Variants in TLL2 observed in about 807,000 individuals in gnomAD.
TLL2 encodes tolloid-like protein 2.
A neutral mutation model predicts 123.0 loss-of-function variants in TLL2; 106 were observed. The observed-to-expected ratio is 0.86, with a 90% CI of 0.74 to 1.01. TLL2 has a LOEUF of 1.01. Ranked by LOEUF, TLL2 falls within the 50% of genes least tolerant of loss-of-function variation. The pLI is 0.00. For synonymous variants in TLL2, 494 were observed against 516.8 expected (o/e 0.96, Z 0.60); for missense variants, 1,332 against 1,336.7 (o/e 1.00, Z 0.06).
chr10:96,446,401 A>G (rs1272394750), intron 2 of TLL2, among the ~76,000 whole-genome samples: 2 of 152,206 alleles, frequency 1.3e-5, no homozygotes, highest in Non-Finnish European at 2.9e-5. Context: ...TCGCAAATTA[A>G]TATAAAGTAT....
chr10:96,373,557 G>C lies in TLL2; in HGVS notation c.2662+39C>G, dbSNP rs368612667. ...CACCATTTCTCTGTCTCCTGTCCAA[G>C]TGCTCATCAGGTGGAAGCCAGTGTC... is the stretch of plus-strand genomic sequence containing the variant. On this transcript the variant is annotated intron_variant, in intron 19 of 20. Coordinates refer to ENST00000357947, the MANE Select transcript of TLL2 (RefSeq NM_012465.4). 8.8e-6 allele frequency: 14 copies of C among 1,585,160 alleles called. No homozygotes were observed. In the African/African-American group the frequency reaches 1.2e-4, roughly 14 times the overall value.
Position 96,429,944 on chromosome 10 carries a change from T to C in TLL2, c.521-1196A>G, listed in dbSNP as rs562037785. ...TTCAAAATCTAGAAGGAAGACTGTT[T>C]AAATTTTCCTAGAAGCAATGAGAAG... On this transcript the variant is annotated intron_variant, in intron 4 of 20. Transcript: ENST00000357947. Among the ~76,000 whole-genome samples, 13 of 152,336 alleles carry C rather than the reference T, an allele frequency of 8.5e-5. No individual in the cohort carries two copies. In the East Asian group the frequency reaches 2.5e-3, roughly 29 times the overall value.
chr10:96,477,108 T>C (rs1455874893), intron 2 of TLL2, among the ~76,000 whole-genome samples: 1 of 148,434 alleles, frequency 6.7e-6, no homozygotes, highest in Non-Finnish European at 1.5e-5. Context: ...ATTCCCATTC[T>C]GACGATAAAA....
intron 10 of TLL2, among the ~76,000 whole-genome samples, chr10:96,404,475 T>C (rs1336035554): frequency 6.6e-6 from 1 of 152,112 alleles, no homozygotes; most frequent in African/African-American, 2.4e-5. Context: ...AAATAACCAG[T>C]GTGTTATTTA....
chr10:96,402,450 C>T (rs1475757869), intron 10 of TLL2, among the ~76,000 whole-genome samples: 1 of 152,228 alleles, frequency 6.6e-6, no homozygotes, highest in Non-Finnish European at 1.5e-5. Flanking sequence ...TTCTGATGTC[C>T]AGCCAGGTTT....
intron 5 of TLL2, among the ~76,000 whole-genome samples, chr10:96,428,258 C>T (rs2078298): frequency 0.58 from 88,481 of 152,120 alleles, 26,866 homozygotes; most frequent in East Asian, 0.74. Context: ...AAATTAAATG[C>T]AAAATTTTAC....
At chr10:96,446,198 G>C (rs1346318663) in intron 2 of TLL2, 30 bp from the exon 3 acceptor site, 1 of 1,609,720 alleles carries the variant, frequency 6.2e-7, no homozygotes, top group South Asian at 1.1e-5. Flanking sequence ...AGAGGCATGA[G>C]GACACATCAG....
At chr10:96,500,105 A>C (rs1847518999) in intron 1 of TLL2, among the ~76,000 whole-genome samples, 1 of 137,418 alleles carries the variant, frequency 7.3e-6, no homozygotes, top group Non-Finnish European at 1.5e-5. Context: ...ACATGATTTA[A>C]AAAAAAAAAA....
In TLL2 at chr10:96,413,240, GC is replaced by G. The variant is rs1332346081; in HGVS notation, c.999del (p.Leu334SerfsTer6). 2 of 1,614,078 alleles carry G rather than the reference GC, an allele frequency of 1.2e-6. No homozygotes were observed. Among genetic ancestry groups the G allele is most frequent in the Non-Finnish European group, 1.7e-6 (2 of 1,180,030 alleles). On this transcript the variant is annotated frameshift_variant, in exon 8 of 21. Coordinates refer to ENST00000357947, the MANE Select transcript of TLL2 (RefSeq NM_012465.4). LOFTEE classifies it high-confidence loss of function. ...GCTTGAGCTATGTCTCCCTGACTGAGCCGCACGCGCTGGCCAATGGTTGGCC... is the reference window on the plus strand; with the variant it reads ...GCTTGAGCTATGTCTCCCTGACTGAGCGCACGCGCTGGCCAATGGTTGGCC... ...GVRPTIGQRV[R>X]LSQGDIAQAR... is the part of the protein sequence containing the mutation.
intron 1 of TLL2, among the ~76,000 whole-genome samples, chr10:96,506,262 A>G (rs1589439171): frequency 7.4e-6 from 1 of 135,004 alleles, no homozygotes; most frequent in East Asian, 2.0e-4. Flanking sequence ...AAAAAAAAAA[A>G]AAAGAAAAAA....
intron 2 of TLL2, among the ~76,000 whole-genome samples, chr10:96,466,124 G>A (rs1355796290): frequency 6.6e-6 from 1 of 152,196 alleles, no homozygotes; most frequent in Non-Finnish European, 1.5e-5. Context: ...TGGCAGCTAA[G>A]GTCCAGGGAT....
At chr10:96,504,004 G>A (rs1256812371) in intron 1 of TLL2, among the ~76,000 whole-genome samples, 3 of 152,218 alleles carry the variant, frequency 2.0e-5, no homozygotes, top group Admixed American at 1.3e-4. Flanking sequence ...AGGTCTCAAT[G>A]TCGTGTGCAG....
intron 1 of TLL2, among the ~76,000 whole-genome samples, chr10:96,491,388 AAAAAAAAAAAG>A (rs1428055608): frequency 6.6e-6 from 1 of 151,244 alleles, no homozygotes; most frequent in Non-Finnish European, 1.5e-5. Context: ...GTCTCAAAAA[AAAAAAAAAAAG>A]AAAAGAAAAG....
intron 10 of TLL2, among the ~76,000 whole-genome samples, chr10:96,397,680 C>T (rs576201946): frequency 8.5e-5 from 13 of 152,320 alleles, no homozygotes; most frequent in African/African-American, 3.1e-4. Context: ...TATACCCTTC[C>T]CTTTTGGGGG....
intron 18 of TLL2, among the ~76,000 whole-genome samples, chr10:96,374,961 CGGG>C (rs558884195): frequency 0.43 from 25,948 of 61,036 alleles, 3,195 homozygotes; most frequent in East Asian, 0.59. Flanking sequence ...ACATTAGTTG[CGGG>C]GGGGGGGGGG....
intron 3 of TLL2, among the ~76,000 whole-genome samples, chr10:96,435,874 C>T (rs1291597208): frequency 1.3e-5 from 2 of 152,104 alleles, no homozygotes; most frequent in East Asian, 3.8e-4. Flanking sequence ...TCTTGTTTTC[C>T]TGTGTCTCAC....
intron 2 of TLL2, among the ~76,000 whole-genome samples, chr10:96,458,587 C>CAAAAAA (rs55819031): frequency 4.3e-5 from 2 of 45,996 alleles, no homozygotes; most frequent in African/African-American, 9.5e-5. Flanking sequence ...GACTTCGTCT[C>CAAAAAA]AAAAAAAAAA....
chr10:96,386,125 C>T lies in TLL2; in HGVS notation c.1943G>A (p.Trp648Ter). ...KEYPTNKNCV[W>*]QVVAPAQYRI... ...GTACTGAGCGGGGGCCACCACCTGC[C>T]AGACACAGTTTTTGTTTGTGGGATA... The change falls in exon 15 of 21, where the codon TGG (tryptophan) becomes TAG (stop). Residue 648 changes from tryptophan (W) to a stop codon, truncating the protein, a stop_gained. Coordinates refer to ENST00000357947, the MANE Select transcript of TLL2 (RefSeq NM_012465.4). LOFTEE classifies it high-confidence loss of function. The T allele has an allele frequency of 6.2e-7, 1 of 1,613,030 alleles. No individual in the cohort carries two copies. The highest frequency in any genetic ancestry group is 1.1e-5 in the South Asian group (1 of 90,884).
chr10:96,434,827 C>T (rs1354205228), intron 3 of TLL2, among the ~76,000 whole-genome samples: 5 of 152,140 alleles, frequency 3.3e-5, no homozygotes, highest in Non-Finnish European at 1.5e-5. Flanking sequence ...GTTCCAATGT[C>T]TCCACATCCT....
Sources: gnomAD v4.1 joint callset for allele counts (sites outside exome capture counted in the v4.1 genomes callset) on GRCh38, gnomAD v4.1.1 for gene constraint, MANE v1.5 for transcripts, NCBI Gene and HGNC (gene_info 2026-07-23, HGNC 2026-07-21) for gene names.